Variants in FAM3B observed in about 807,000 individuals in gnomAD.
FAM3B encodes the protein FAM3 metabolism regulating signaling molecule B.
Under a neutral mutation model 28.4 loss-of-function variants are expected in FAM3B, and 29 were observed. The ratio of observed to expected loss-of-function variants is 1.02; its 90% CI spans 0.76 to 1.39. The LOEUF is 1.39. Among genes scored for constraint, FAM3B ranks in the 40% most tolerant of loss-of-function variants. The pLI is 0.00. For missense variants in FAM3B, 266 were observed against 293.9 expected (o/e 0.91, Z 0.69); for synonymous variants, 91 against 103.0 (o/e 0.88, Z 0.71).
At chr21:41,348,759 G>GT in intron 7 of FAM3B, 35 bp downstream of exon 7, 5 of 1,613,694 alleles carry the variant, frequency 3.1e-6, no homozygotes, top group Non-Finnish European at 3.4e-6. Flanking sequence ...CCCACCAATG[G>GT]TGAGTATAGT....
At position 41,338,904 on chromosome 21, in the gene FAM3B, A is replaced by G. The variant is rs1429360692; in HGVS notation, c.287+403A>G. 2.0e-5 allele frequency among the ~76,000 whole-genome samples: 3 copies of G among 152,304 alleles called. No individual in the cohort carries two copies. The East Asian group carries it at 5.8e-4, about 30-fold the overall frequency. On this transcript the variant is annotated intron_variant, in intron 3 of 7. Coordinates refer to ENST00000357985, the MANE Select transcript of FAM3B (RefSeq NM_058186.4). ...GAGAGCCTCAGGGGTGTTCGGGGCCAGATGGGCTCTGAACAAAGTTAGACT... is the reference window on the plus strand; with the variant it reads ...GAGAGCCTCAGGGGTGTTCGGGGCCGGATGGGCTCTGAACAAAGTTAGACT...
intron 5 of FAM3B, among the ~76,000 whole-genome samples, chr21:41,346,702 C>T (rs897064419): frequency 6.6e-6 from 1 of 152,042 alleles, no homozygotes. Flanking sequence ...AGGGGCTCCA[C>T]TTCTCTTGTT....
chr21:41,323,053 G>C lies in FAM3B; in HGVS notation c.150G>C (p.Arg50Ser). 1 of 1,605,260 alleles carries C rather than the reference G, an allele frequency of 6.2e-7. No homozygotes were observed. The highest frequency in any genetic ancestry group is 1.7e-4 in the Middle Eastern group (1 of 5,854). ...ATAGCATCCGCAGCATCGGGGAGAG[G>C]CCTGTCCTCAAAGGTGAGTGCCGTG... ...AAYSIRSIGERPVLKAPVPKR... is the reference protein window; with the variant it reads ...AAYSIRSIGESPVLKAPVPKR... The change falls in exon 2 of 8, where the codon AGG (arginine) becomes AGC (serine). Residue 50 changes from arginine (R) to serine (S), a missense_variant. Physicochemically the swap from Arg to Ser is moderately radical, Grantham distance 110. Transcript: ENST00000357985.
At chr21:41,314,668 G>A (rs1325673810), upstream of FAM3B, among the ~76,000 whole-genome samples, 1 of 151,994 alleles carries the variant, frequency 6.6e-6, no homozygotes, top group African/African-American at 2.4e-5. Context: ...GCCAACAAGA[G>A]CGTGAAAAGA....
chr21:41,319,232 G>A lies in FAM3B; in HGVS notation c.19+2334G>A, dbSNP rs761341112. ...AGTGAAGCAGCCAGGACCCTCCTGA[G>A]ACCCCTGTGGATCTGAGAGTGGGGA... is the stretch of plus-strand genomic sequence containing the variant. On this transcript the variant is annotated intron_variant, in intron 1 of 7. Transcript: ENST00000357985. Among the ~76,000 whole-genome samples the A allele has an allele frequency of 6.6e-5, 10 of 152,256 alleles. No individual in the cohort carries two copies. The South Asian group carries it at 1.0e-3, about 16-fold the overall frequency.
chr21:41,335,365 G>A (rs2088946109), intron 2 of FAM3B, among the ~76,000 whole-genome samples: 1 of 152,218 alleles, frequency 6.6e-6, no homozygotes, highest in Admixed American at 6.5e-5. Flanking sequence ...TGTTGGAGGT[G>A]GGGCATGGTG....
At chr21:41,336,452 G>A (rs1305327248) in intron 2 of FAM3B, among the ~76,000 whole-genome samples, 1 of 152,182 alleles carries the variant, frequency 6.6e-6, no homozygotes, top group African/African-American at 2.4e-5. Context: ...AACCTGAGAG[G>A]CGGAGGTTGC....
Position 41,334,737 on chromosome 21 carries a change from G to T in FAM3B, c.164-3641G>T, listed in dbSNP as rs191025295. On this transcript the variant is annotated intron_variant, in intron 2 of 7. Transcript: ENST00000357985. Reference sequence around the variant, plus strand: ...AGTCCCCACTGGAGCACTGCCTAGTGGAGCTGTGGGAAGAGGGCCACCATC... The same window carrying T: ...AGTCCCCACTGGAGCACTGCCTAGTTGAGCTGTGGGAAGAGGGCCACCATC... 6.5e-3 allele frequency among the ~76,000 whole-genome samples: 985 copies of T among 152,334 alleles called. 4 individuals are homozygous for T. The highest frequency in any genetic ancestry group is 0.01 in the Non-Finnish European group (713 of 68,034).
chr21:41,331,507 T>C (rs375132922), intron 2 of FAM3B, among the ~76,000 whole-genome samples: 1 of 152,182 alleles, frequency 6.6e-6, no homozygotes, highest in Non-Finnish European at 1.5e-5. Flanking sequence ...CCCAAATCAT[T>C]GCCCAAACCA....
intron 1 of FAM3B, among the ~76,000 whole-genome samples, chr21:41,308,478 G>A (rs930614699): frequency 6.6e-6 from 1 of 152,002 alleles, no homozygotes; most frequent in East Asian, 1.9e-4. Context: ...AAAAGCAGTA[G>A]CAAAGGCAAC....
intron 1 of FAM3B, among the ~76,000 whole-genome samples, chr21:41,304,678 G>A (rs1178097935): frequency 6.6e-6 from 1 of 152,200 alleles, no homozygotes; most frequent in African/African-American, 2.4e-5. Context: ...CCACACGGGC[G>A]ACCAGGGACT....
intron 7 of FAM3B, among the ~76,000 whole-genome samples, chr21:41,350,878 C>T (rs947136978): frequency 6.6e-6 from 1 of 152,232 alleles, no homozygotes; most frequent in African/African-American, 2.4e-5. Flanking sequence ...TCAGCATCTC[C>T]AGGGGCCTTG....
Position 41,326,415 on chromosome 21 carries a change from C to G in FAM3B, c.163+3349C>G, listed in dbSNP as rs2088855374. Among the ~76,000 whole-genome samples the G allele has an allele frequency of 1.3e-5, 2 of 152,306 alleles. No individual in the cohort carries two copies. The highest frequency in any genetic ancestry group is 4.1e-4 in the South Asian group (2 of 4,824). ...CAGGCCCTGTGAGGAAACACAAATG[C>G]CCATCTGTGTGTCACCCATAGTCAC... On this transcript the variant is annotated intron_variant, in intron 2 of 7. Transcript: ENST00000357985. This position sits in a 1 kb window ranked among gnomAD's most constrained non-coding sequence, Gnocchi z 4.0.
intron 2 of FAM3B, among the ~76,000 whole-genome samples, chr21:41,325,816 G>A (rs1324326760): frequency 6.6e-6 from 1 of 152,186 alleles, no homozygotes; most frequent in Non-Finnish European, 1.5e-5. Flanking sequence ...GAGTCCGGAC[G>A]CAAGGCTGTG....
chr21:41,350,962 G>A (rs553086976), intron 7 of FAM3B, among the ~76,000 whole-genome samples: 1 of 152,160 alleles, frequency 6.6e-6, no homozygotes, highest in African/African-American at 2.4e-5. Flanking sequence ...TGGCAGCCCG[G>A]GCGTTGTGCC....
intron 1 of FAM3B, among the ~76,000 whole-genome samples, chr21:41,306,190 G>C (rs1195458942): frequency 6.6e-6 from 1 of 152,182 alleles, no homozygotes; most frequent in Non-Finnish European, 1.5e-5. Flanking sequence ...CATTCTTAAT[G>C]CTAGTTCTCT....
Position 41,344,535 on chromosome 21 carries a change from G to C in FAM3B, c.346+1G>C. 6.2e-7 allele frequency: 1 copy of C among 1,612,726 alleles called. No individual in the cohort carries two copies. The highest frequency in any genetic ancestry group is 8.5e-7 in the Non-Finnish European group (1 of 1,178,688). On this transcript the variant is annotated splice_donor_variant, in intron 4 of 7. Transcript: ENST00000357985. LOFTEE classifies it high-confidence loss of function. ...GGAATAAACATTGCCATTGTCAACT[G>C]TAAGTTACTAAACATTTTCTTTAAA...
rs187344996 is a variant in FAM3B, at chr21:41,307,682, C to T, written n.99+3372C>T. On this transcript the variant is annotated intron_variant and non_coding_transcript_variant, in intron 1 of 9. Transcript: ENST00000479810. ...ATTGTTGTATCTCAGGGAACAGGCT[C>T]AAGGAGAGGGAGAGAGATGGGGAAT... 1.9e-3 allele frequency among the ~76,000 whole-genome samples: 290 copies of T among 152,088 alleles called. 1 individual carries two copies. The highest frequency in any genetic ancestry group is 3.1e-3 in the Non-Finnish European group (212 of 68,006).
Position 41,338,424 on chromosome 21 carries a change from A to C in FAM3B, c.210A>C (p.Pro70=). Residue 70 remains proline (P), a synonymous_variant, in exon 3 of 8, where the codon CCA becomes CCC. Transcript: ENST00000357985. ...RQKCDHWTPC[P]SDTYAYRLLS... is the part of the protein sequence containing the mutation. The stretch of plus-strand genomic sequence containing the variant: ...AATGTGACCACTGGACTCCCTGCCC[A>C]TCTGACACCTATGCCTACAGGTTAC... 6.2e-7 allele frequency: 1 copy of C among 1,614,168 alleles called. No individual in the cohort carries two copies. The highest frequency in any genetic ancestry group is 8.5e-7 in the Non-Finnish European group (1 of 1,180,020).
Sources: gnomAD v4.1 joint callset for allele counts (sites outside exome capture counted in the v4.1 genomes callset) on GRCh38, gnomAD v4.1.1 for gene constraint, Gnocchi (gnomAD v3.1) non-coding constraint, MANE v1.5 for transcripts, NCBI Gene and HGNC (gene_info 2026-07-23, HGNC 2026-07-21) for gene names.